The following NXN variants were observed in gnomAD, a reference collection of about 807,000 sequenced individuals.
The protein encoded by NXN is nucleoredoxin.
Under a neutral mutation model 48.6 loss-of-function variants are expected in NXN, and 16 were observed. The ratio of observed to expected loss-of-function variants is 0.33; its 90% CI spans 0.22 to 0.50. The LOEUF (loss-of-function observed/expected upper bound fraction) is 0.50, where lower values mean the gene tolerates loss of function less well. Ranked by LOEUF, NXN falls within the 20% of genes least tolerant of loss-of-function variation. The pLI is 0.98. For synonymous variants in NXN, 281 were observed against 269.6 expected, an observed-to-expected ratio of 1.04 and a Z score of -0.41; for missense variants, 492 against 605.5, an observed-to-expected ratio of 0.81 and a Z score of 1.97.
At chr17:971,071 T>A (rs2069371475) in intron 1 of NXN, among the ~76,000 whole-genome samples, 1 of 150,716 alleles carries the variant, frequency 6.6e-6, no homozygotes, top group African/African-American at 2.4e-5. Context: ...CTCAGCCTCC[T>A]CAGTAGCTCG....
chr17:893,424 T>C (rs147811457), intron 1 of NXN, among the ~76,000 whole-genome samples: 1 of 152,364 alleles, frequency 6.6e-6, no homozygotes, highest in African/African-American at 2.4e-5. Flanking sequence ...CTGGTGAGAA[T>C]GCCCTCCTTG....
chr17:955,909 A>G (rs1166051985), intron 1 of NXN, among the ~76,000 whole-genome samples: 1 of 151,828 alleles, frequency 6.6e-6, no homozygotes, highest in Admixed American at 6.6e-5. Context: ...CTCAAAAAAA[A>G]AAAAGAGAGA....
chr17:828,157 G>A (rs1913237447), intron 1 of NXN, among the ~76,000 whole-genome samples: 3 of 152,130 alleles, frequency 2.0e-5, no homozygotes, highest in Admixed American at 2.0e-4. Context: ...AGGCTGGAGT[G>A]CAGTGGCACG....
Position 920,748 on chromosome 17 carries a change from A to C in NXN, c.360+58571T>G, listed in dbSNP as rs2068741806. On this transcript the variant is annotated intron_variant, in intron 1 of 7. Transcript: ENST00000336868. The surrounding 1 kb of genome is among the most constrained non-coding windows in gnomAD (Gnocchi z 4.6). ...TTTTTTTTTTTTTCCTTTGAAACAGAGTCTCGCCCTGTTGCCCAGGCTGGA... is the reference window on the plus strand; with the variant it reads ...TTTTTTTTTTTTTCCTTTGAAACAGCGTCTCGCCCTGTTGCCCAGGCTGGA... 6.7e-6 allele frequency among the ~76,000 whole-genome samples: 1 copy of C among 149,300 alleles called. No individual in the cohort carries two copies. The highest frequency in any genetic ancestry group is 6.7e-5 in the Admixed American group (1 of 14,950).
intron 1 of NXN, among the ~76,000 whole-genome samples, chr17:889,373 G>T (rs573546136): frequency 3.3e-5 from 5 of 152,344 alleles, no homozygotes; most frequent in Non-Finnish European, 7.3e-5. Context: ...GAGGCAAAAA[G>T]ACCACAGGAA....
intron 1 of NXN, among the ~76,000 whole-genome samples, chr17:915,411 G>A (rs771927135): frequency 3.9e-5 from 6 of 152,116 alleles, no homozygotes; most frequent in African/African-American, 1.2e-4. Context: ...CGCCTCCCAA[G>A]TAGCTGGGAC....
intron 5 of NXN, among the ~76,000 whole-genome samples, chr17:809,846 C>A (rs79924758): frequency 1.1e-5 from 1 of 89,094 alleles, no homozygotes; most frequent in Non-Finnish European, 2.6e-5. Flanking sequence ...CGAGCCAGTG[C>A]GAGCGGCGGG....
At chr17:876,035 G>A (rs375375199) in intron 1 of NXN, among the ~76,000 whole-genome samples, 21 of 152,032 alleles carry the variant, frequency 1.4e-4, no homozygotes, top group Non-Finnish European at 2.6e-4. Flanking sequence ...TATAAAATTA[G>A]CCGGGCGTGG....
intron 1 of NXN, among the ~76,000 whole-genome samples, chr17:971,671 C>T (rs1450284165): frequency 6.6e-6 from 1 of 151,758 alleles, no homozygotes; most frequent in Non-Finnish European, 1.5e-5. Context: ...GATCGCGCCA[C>T]TGCACTCCAG....
chr17:882,477 T>TTGTTC (rs1178289743), intron 1 of NXN, among the ~76,000 whole-genome samples: 1 of 151,864 alleles, frequency 6.6e-6, no homozygotes, highest in Non-Finnish European at 1.5e-5. Context: ...TTGTTTTGTT[T>TTGTTC]TGTTTTGAGA....
chr17:965,988 C>A (rs2069297980), intron 1 of NXN, among the ~76,000 whole-genome samples: 1 of 151,244 alleles, frequency 6.6e-6, no homozygotes, highest in African/African-American at 2.4e-5. Flanking sequence ...TGGTGGCGGG[C>A]ACCTGTAGTC....
chr17:866,241 G>A (rs571164110), intron 1 of NXN, among the ~76,000 whole-genome samples: 7 of 151,858 alleles, frequency 4.6e-5, no homozygotes, highest in East Asian at 1.9e-4. Context: ...GACAATACCC[G>A]TCACATACAT....
chr17:916,854 T>A (rs544355403), intron 1 of NXN, among the ~76,000 whole-genome samples: 1 of 152,204 alleles, frequency 6.6e-6, no homozygotes, highest in African/African-American at 2.4e-5. Context: ...GCTGAGGTTA[T>A]GCCATTGCAC....
At chr17:808,325 C>T (rs1386197572) in intron 5 of NXN, among the ~76,000 whole-genome samples, 2 of 139,376 alleles carry the variant, frequency 1.4e-5, no homozygotes, top group Admixed American at 7.4e-5. Context: ...TTTTTTTAGA[C>T]GCAGTCTCCC....
intron 1 of NXN, among the ~76,000 whole-genome samples, chr17:946,112 T>C (rs1440566132): frequency 6.6e-6 from 1 of 151,566 alleles, no homozygotes; most frequent in Admixed American, 6.6e-5. Context: ...TGATGTATTC[T>C]AGGCGCTTGA....
At chr17:850,067 T>C (rs531579213) in intron 1 of NXN, among the ~76,000 whole-genome samples, 9 of 151,534 alleles carry the variant, frequency 5.9e-5, no homozygotes, top group Middle Eastern at 3.4e-3. Flanking sequence ...CCATTTCTGC[T>C]CCTCGTAAAC....
chr17:889,731 GAAAGAAAGAAAGAAAGAA>G (rs1460141490), intron 1 of NXN, among the ~76,000 whole-genome samples: 1 of 80,588 alleles, frequency 1.2e-5, no homozygotes, highest in African/African-American at 5.6e-5. Flanking sequence ...AAGAAAGAAA[GAAAGAAAGAAAGAAAGAA>G]AGAAAGAAAG....
chr17:915,151 G>GT (rs2068674834), intron 1 of NXN, among the ~76,000 whole-genome samples: 1 of 152,134 alleles, frequency 6.6e-6, no homozygotes, highest in Non-Finnish European at 1.5e-5. Context: ...GGCCAGGCTG[G>GT]CCTCGAACTT....
intron 1 of NXN, among the ~76,000 whole-genome samples, chr17:976,816 G>C (rs2069464991): frequency 6.6e-6 from 1 of 151,500 alleles, no homozygotes; most frequent in Non-Finnish European, 1.5e-5. Context: ...GCCCAGACTG[G>C]GGTGCAATGG....
Sources: gnomAD v4.1 joint callset for allele counts (sites outside exome capture counted in the v4.1 genomes callset) on GRCh38, gnomAD v4.1.1 for gene constraint, Gnocchi (gnomAD v3.1) non-coding constraint, MANE v1.5 for transcripts, NCBI Gene and HGNC (gene_info 2026-07-23, HGNC 2026-07-21) for gene names.